Variants in NRG3 observed in about 807,000 individuals in gnomAD.
NRG3 encodes the protein neuregulin 3.
In NRG3, 31 loss-of-function variants were observed where a neutral mutation model predicts 66.9. That is an observed-to-expected ratio of 0.46 (90% CI 0.35 to 0.63). NRG3 has a LOEUF of 0.63. NRG3 is among the 20% of genes least tolerant of loss of function. The probability of loss-of-function intolerance (pLI) is 0.00; values close to 1 mark genes in which losing one functional copy is unlikely to be tolerated. For missense variants in NRG3, 910 were observed against 878.9 expected (o/e 1.04, Z -0.45); for synonymous variants, 393 against 359.4 (o/e 1.09, Z -1.06).
chr10:82,461,322 C>CCACCACCACCACCAT (rs769664634), intron 2 of NRG3, among the ~76,000 whole-genome samples: 21 of 151,954 alleles, frequency 1.4e-4, no homozygotes, highest in Middle Eastern at 6.8e-3. Flanking sequence ...AACACCATCA[C>CCACCACCACCACCAT]CACCACCACC....
intron 1 of NRG3, among the ~76,000 whole-genome samples, chr10:82,062,481 C>T (rs771380690): frequency 1.5e-4 from 23 of 151,944 alleles, no homozygotes; most frequent in Non-Finnish European, 3.2e-4. Flanking sequence ...TGGTGTGCGC[C>T]TGTAGTCCCA....
chr10:81,951,536 A>T (rs1475184363), intron 1 of NRG3, among the ~76,000 whole-genome samples: 1 of 152,168 alleles, frequency 6.6e-6, no homozygotes, highest in Middle Eastern at 3.2e-3. Flanking sequence ...CACCTGGAGA[A>T]TTCAACTGCT....
intron 1 of NRG3, among the ~76,000 whole-genome samples, chr10:82,258,870 A>T (rs1207410169): frequency 6.6e-6 from 1 of 152,228 alleles, no homozygotes; most frequent in African/African-American, 2.4e-5. Flanking sequence ...CAACCATAAC[A>T]TAGGTCTTCC....
chr10:82,873,638 G>A (rs1205875229), intron 4 of NRG3, among the ~76,000 whole-genome samples: 1 of 152,098 alleles, frequency 6.6e-6, no homozygotes. Flanking sequence ...TTGTTAAGTG[G>A]TTATTTTTCT....
chr10:82,687,071 G>A (rs974174780), intron 2 of NRG3, among the ~76,000 whole-genome samples: 1 of 152,174 alleles, frequency 6.6e-6, no homozygotes, highest in Non-Finnish European at 1.5e-5. Flanking sequence ...CAGTAAGTAA[G>A]TCATCATGCC....
chr10:81,880,845 C>T (rs1309585223), intron 1 of NRG3, among the ~76,000 whole-genome samples: 1 of 152,080 alleles, frequency 6.6e-6, no homozygotes, highest in African/African-American at 2.4e-5. Flanking sequence ...TCTTTAGACT[C>T]GTGTGTTGGG....
intron 1 of NRG3, among the ~76,000 whole-genome samples, chr10:82,191,053 T>C (rs183637975): frequency 1.2e-4 from 19 of 152,220 alleles, no homozygotes; most frequent in Admixed American, 1.2e-3. Flanking sequence ...CCCCAGTCAC[T>C]GCCAAGAATA....
intron 2 of NRG3, among the ~76,000 whole-genome samples, chr10:82,421,676 T>C (rs912504766): frequency 6.6e-6 from 1 of 151,760 alleles, no homozygotes; most frequent in Non-Finnish European, 1.5e-5. Flanking sequence ...TTCGTGGCCA[T>C]AGTGAGAATG....
At chr10:82,003,988 A>AACACACACACACACAC (rs746699197) in intron 1 of NRG3, among the ~76,000 whole-genome samples, 23 of 134,422 alleles carry the variant, frequency 1.7e-4, no homozygotes, top group African/African-American at 6.5e-4. Context: ...CCTGACTGAA[A>AACACACACACACACAC]ACACACACAC....
intron 3 of NRG3, among the ~76,000 whole-genome samples, chr10:82,853,548 A>AT (rs1188257560): frequency 6.6e-6 from 1 of 151,620 alleles, no homozygotes; most frequent in Non-Finnish European, 1.5e-5. Context: ...TTTTATTTGT[A>AT]TTTTTTTGTG....
At chr10:82,516,448 G>A (rs958022348) in intron 2 of NRG3, among the ~76,000 whole-genome samples, 1 of 152,010 alleles carries the variant, frequency 6.6e-6, no homozygotes. Flanking sequence ...AATATACTAA[G>A]TATAAGGAAC....
chr10:82,954,042 G>A (rs1487788661), intron 5 of NRG3, among the ~76,000 whole-genome samples: 5 of 151,682 alleles, frequency 3.3e-5, no homozygotes, highest in South Asian at 2.1e-4. Context: ...GCTTGCTGTC[G>A]TTAACACCCA....
chr10:82,865,633 A>G (rs949142136), intron 4 of NRG3, among the ~76,000 whole-genome samples, 196 bp downstream of exon 4: 7 of 152,204 alleles, frequency 4.6e-5, no homozygotes, highest in African/African-American at 1.7e-4. Flanking sequence ...TGGAAAGGCA[A>G]TTTAATGTTA....
At chr10:82,949,002 AC>A (rs1426059227) in intron 4 of NRG3, among the ~76,000 whole-genome samples, 1 of 152,144 alleles carries the variant, frequency 6.6e-6, no homozygotes, top group Non-Finnish European at 1.5e-5. Flanking sequence ...AGGGAAAAAA[AC>A]ATTCTTTCAC....
At chr10:82,783,830 C>G (rs959921928) in intron 3 of NRG3, among the ~76,000 whole-genome samples, 5 of 152,144 alleles carry the variant, frequency 3.3e-5, no homozygotes, top group African/African-American at 7.2e-5. Context: ...CTACCAATGA[C>G]TTTCTTCACA....
chr10:82,924,837 T>G (rs901888161), intron 4 of NRG3, among the ~76,000 whole-genome samples: 3 of 152,196 alleles, frequency 2.0e-5, no homozygotes, highest in Non-Finnish European at 2.9e-5. Context: ...TCTTGGCTGT[T>G]TAGCAGTTCA....
At chr10:82,743,615 G>T (rs1341145919) in intron 3 of NRG3, among the ~76,000 whole-genome samples, 2 of 152,090 alleles carry the variant, frequency 1.3e-5, no homozygotes, top group African/African-American at 4.8e-5. Context: ...CCCAAGCTTG[G>T]TCTCCTTCCT....
rs115051715 is a variant in NRG3, at chr10:82,714,653, G to A, written c.954-23924G>A. Among the ~76,000 whole-genome samples, 1,010 of 152,260 alleles carry A rather than the reference G, an allele frequency of 6.6e-3. 9 individuals are homozygous for A. The highest frequency in any genetic ancestry group is 0.023 in the African/African-American group (972 of 41,548). Reference sequence around the variant, plus strand: ...AGTTTTCACACAAGATAAGAAAATTGCAAATTCTAAATAAGGATTGATGTC... The same window carrying A: ...AGTTTTCACACAAGATAAGAAAATTACAAATTCTAAATAAGGATTGATGTC... On this transcript the variant is annotated intron_variant, in intron 2 of 8. Transcript: ENST00000372141.
chr10:82,323,170 G>A (rs1232388444), intron 1 of NRG3, among the ~76,000 whole-genome samples: 1 of 152,132 alleles, frequency 6.6e-6, no homozygotes, highest in East Asian at 1.9e-4. Context: ...TTTAACAGTT[G>A]GATTCCAGAT....
Sources: gnomAD v4.1 joint callset for allele counts (sites outside exome capture counted in the v4.1 genomes callset) on GRCh38, gnomAD v4.1.1 for gene constraint, MANE v1.5 for transcripts, NCBI Gene and HGNC (gene_info 2026-07-23, HGNC 2026-07-21) for gene names.